The following ELMO1 variants were observed in gnomAD, a reference collection of about 807,000 sequenced individuals.
ELMO1 encodes the protein engulfment and cell motility protein 1.
Under a neutral mutation model 98.9 loss-of-function variants are expected in ELMO1, and 26 were observed. The ratio of observed to expected loss-of-function variants is 0.26; its 90% CI spans 0.19 to 0.36. The LOEUF (loss-of-function observed/expected upper bound fraction) is 0.36, where lower values mean the gene tolerates loss of function less well. Among genes scored for constraint, ELMO1 ranks in the 10% least tolerant of loss-of-function variants. The pLI, the probability that ELMO1 is intolerant of heterozygous loss-of-function variation, is 1.00. For missense variants in ELMO1, 627 were observed against 935.2 expected (o/e 0.67, Z 4.30); for synonymous variants, 346 against 346.0 (o/e 1.00, Z 0.00).
intron 4 of ELMO1, among the ~76,000 whole-genome samples, chr7:37,311,542 G>A (rs73112617): frequency 1.3e-3 from 197 of 152,196 alleles, no homozygotes; most frequent in Middle Eastern, 6.8e-3. Context: ...TTTAAAATGG[G>A]AAAAAATGTC....
At chr7:36,914,919 A>C (rs1203213278) in intron 16 of ELMO1, among the ~76,000 whole-genome samples, 1 of 151,974 alleles carries the variant, frequency 6.6e-6, no homozygotes, top group Admixed American at 6.6e-5. Context: ...AGAAATTCAA[A>C]TTGTGAAATC....
intron 16 of ELMO1, among the ~76,000 whole-genome samples, chr7:36,917,920 A>T (rs1784830855): frequency 7.3e-6 from 1 of 136,794 alleles, no homozygotes; most frequent in Non-Finnish European, 1.6e-5. Flanking sequence ...TATACAACAT[A>T]GATATATCTG....
intron 14 of ELMO1, among the ~76,000 whole-genome samples, chr7:37,130,631 T>A (rs1563022595): frequency 6.6e-6 from 1 of 151,840 alleles, no homozygotes; most frequent in Non-Finnish European, 1.5e-5. Flanking sequence ...GAAAAGTGAG[T>A]GGCAGGCAAG....
rs1050457583 is a variant in ELMO1, at chr7:36,853,921, T to C, written c.*1630A>G. Among the ~76,000 whole-genome samples the C allele has an allele frequency of 2.6e-5, 4 of 152,258 alleles. No homozygotes were observed. The highest frequency in any genetic ancestry group is 4.8e-5 in the African/African-American group (2 of 41,476). On this transcript the variant is annotated 3_prime_UTR_variant, in exon 22 of 22. Coordinates refer to ENST00000310758, the MANE Select transcript of ELMO1 (RefSeq NM_014800.11). ...ATTTATTAACCCACGGTTAGATTTATTTAGTTCTGGCTTATTTCAGGTCTG... is the reference window on the plus strand; with the variant it reads ...ATTTATTAACCCACGGTTAGATTTACTTAGTTCTGGCTTATTTCAGGTCTG...
chr7:36,925,710 A>T (rs1041490308), intron 16 of ELMO1, among the ~76,000 whole-genome samples: 6 of 152,208 alleles, frequency 3.9e-5, no homozygotes, highest in Non-Finnish European at 8.8e-5. Flanking sequence ...AGCAATTTTT[A>T]AAAAGGCAAA....
chr7:37,164,783 C>T (rs1789524261), intron 13 of ELMO1, among the ~76,000 whole-genome samples: 4 of 149,080 alleles, frequency 2.7e-5, no homozygotes, highest in Admixed American at 2.0e-4. Context: ...ATGCCTCCAG[C>T]TTTGTTCTTT....
chr7:36,900,663 G>A (rs1562808877), intron 16 of ELMO1, among the ~76,000 whole-genome samples: 1 of 152,126 alleles, frequency 6.6e-6, no homozygotes, highest in African/African-American at 2.4e-5. Context: ...GTATGCTGCT[G>A]GGCACTGCCA....
intron 14 of ELMO1, among the ~76,000 whole-genome samples, chr7:37,099,220 T>C (rs1784516029): frequency 2.0e-5 from 3 of 152,240 alleles, no homozygotes. Context: ...TGATTTCTGT[T>C]GTCAAGGCAG....
intron 13 of ELMO1, among the ~76,000 whole-genome samples, chr7:37,192,878 T>C (rs553994394): frequency 6.8e-6 from 1 of 146,554 alleles, no homozygotes; most frequent in African/African-American, 2.5e-5. Flanking sequence ...TACATGTTTA[T>C]ATATGATATA....
intron 16 of ELMO1, among the ~76,000 whole-genome samples, chr7:36,932,105 G>C (rs765612787): frequency 2.0e-5 from 3 of 150,836 alleles, no homozygotes; most frequent in Non-Finnish European, 4.4e-5. Context: ...TTCATGCACA[G>C]AACACTTAGT....
At chr7:37,321,455 C>T (rs867975469) in intron 2 of ELMO1, among the ~76,000 whole-genome samples, 3 of 151,860 alleles carry the variant, frequency 2.0e-5, no homozygotes, top group South Asian at 2.1e-4. Context: ...CGGTGGTTCA[C>T]GCTTGTAATC....
intron 13 of ELMO1, among the ~76,000 whole-genome samples, chr7:37,184,438 A>C (rs1189315023): frequency 2.0e-5 from 3 of 152,190 alleles, no homozygotes; most frequent in Non-Finnish European, 4.4e-5. Context: ...CCAGGCACTA[A>C]TGCAACAACT....
intron 1 of ELMO1, among the ~76,000 whole-genome samples, chr7:37,444,836 AAGTCAAT>A (rs1805544846): frequency 6.6e-6 from 1 of 152,198 alleles, no homozygotes; most frequent in Non-Finnish European, 1.5e-5. Flanking sequence ...TTGAAAAGTT[AAGTCAAT>A]AGCCGACAGA....
At position 36,855,645 on chromosome 7, in the gene ELMO1, C is replaced by T. The variant is rs751754505; in HGVS notation, c.2090G>A (p.Arg697His). Reference protein sequence around the residue: ...DTLLSMEIKLRLLDLENIQIP... With the variant: ...DTLLSMEIKLHLLDLENIQIP... Reference sequence around the variant, plus strand: ...CTGGATGTTTTCCAGGTCCAGGAGGCGGAGCTTGATTTCCATGCTGAGCAG... The same window carrying T: ...CTGGATGTTTTCCAGGTCCAGGAGGTGGAGCTTGATTTCCATGCTGAGCAG... Residue 697 changes from arginine to histidine, a missense_variant, in exon 22 of 22, where the codon CGC becomes CAC. Transcript: ENST00000310758. This position sits in a 1 kb window ranked among gnomAD's most constrained non-coding sequence, Gnocchi z 4.2. 1.9e-6 allele frequency: 3 copies of T among 1,614,090 alleles called. No homozygotes were observed. Among genetic ancestry groups the T allele is most frequent in the Non-Finnish European group, 2.5e-6 (3 of 1,179,996 alleles).
chr7:37,130,254 T>C (rs1440294262), intron 14 of ELMO1, among the ~76,000 whole-genome samples: 3 of 152,086 alleles, frequency 2.0e-5, no homozygotes, highest in Admixed American at 6.6e-5. Flanking sequence ...AACTCCTCAA[T>C]GTCAGGACCC....
At chr7:37,384,901 T>C (rs1382367151) in intron 1 of ELMO1, among the ~76,000 whole-genome samples, 1 of 152,212 alleles carries the variant, frequency 6.6e-6, no homozygotes, top group African/African-American at 2.4e-5. Flanking sequence ...TGCACACGAA[T>C]TCGTTTGAGC....
intron 13 of ELMO1, among the ~76,000 whole-genome samples, chr7:37,157,268 C>T (rs1286263933): frequency 6.6e-6 from 1 of 152,158 alleles, no homozygotes; most frequent in Non-Finnish European, 1.5e-5. Flanking sequence ...GAAAAGGATG[C>T]CCTCTCTCAC....
At chr7:37,280,007 T>C (rs1166707839) in intron 4 of ELMO1, among the ~76,000 whole-genome samples, 3 of 152,178 alleles carry the variant, frequency 2.0e-5, no homozygotes, top group African/African-American at 7.2e-5. Flanking sequence ...AACAGGCACA[T>C]AGACCAATGG....
chr7:37,281,280 T>C (rs1016378428), intron 4 of ELMO1, among the ~76,000 whole-genome samples: 10 of 151,914 alleles, frequency 6.6e-5, no homozygotes, highest in Admixed American at 1.3e-4. Context: ...TATGGTGCAG[T>C]GTATACTGCT....
Sources: allele counts gnomAD v4.1 joint callset (sites outside exome capture counted in the v4.1 genomes callset), GRCh38; gene constraint gnomAD v4.1.1; non-coding constraint Gnocchi (gnomAD v3.1); transcripts MANE v1.5; gene names NCBI Gene and HGNC (gene_info 2026-07-23, HGNC 2026-07-21).